Variants in NRXN3 observed in about 807,000 individuals in gnomAD.
The protein encoded by NRXN3 is neurexin 3.
In NRXN3, 32 loss-of-function variants were observed where a neutral mutation model predicts 137.6. The ratio of observed to expected loss-of-function variants is 0.23; its 90% CI spans 0.18 to 0.31. The LOEUF (loss-of-function observed/expected upper bound fraction) is 0.31, where lower values mean the gene tolerates loss of function less well. Among genes scored for constraint, NRXN3 ranks in the 10% least tolerant of loss-of-function variants. NRXN3 has a pLI of 1.00. For missense variants in NRXN3, 1,574 were observed against 2,062.5 expected, an observed-to-expected ratio of 0.76 and a Z score of 4.59; for synonymous variants, 798 against 784.5, an observed-to-expected ratio of 1.02 and a Z score of -0.29.
At chr14:78,267,602 G>A (rs1162171579) in intron 2 of NRXN3, among the ~76,000 whole-genome samples, 2 of 152,134 alleles carry the variant, frequency 1.3e-5, no homozygotes, top group African/African-American at 2.4e-5. Context: ...AGGTTGAGCT[G>A]GGAGGTCCAC....
chr14:79,179,353 A>G (rs1042636512), intron 15 of NRXN3, among the ~76,000 whole-genome samples: 3 of 152,172 alleles, frequency 2.0e-5, no homozygotes, highest in African/African-American at 7.2e-5. Flanking sequence ...TCACTTCTCG[A>G]TGTTTTCTTA....
intron 8 of NRXN3, among the ~76,000 whole-genome samples, chr14:78,733,896 G>GA (rs2098528651): frequency 6.6e-6 from 1 of 152,164 alleles, no homozygotes; most frequent in African/African-American, 2.4e-5. Flanking sequence ...GTCACCCTAA[G>GA]AATAACAGGT....
chr14:78,504,752 C>T (rs1255562726), intron 4 of NRXN3, among the ~76,000 whole-genome samples: 3 of 152,156 alleles, frequency 2.0e-5, no homozygotes, highest in Admixed American at 1.3e-4. Context: ...GAAGTTCCCA[C>T]TATGTGCCAC....
intron 14 of NRXN3, among the ~76,000 whole-genome samples, chr14:78,979,366 T>C (rs1029618685): frequency 6.6e-6 from 1 of 152,146 alleles, no homozygotes; most frequent in Non-Finnish European, 1.5e-5. Context: ...GAGTCTTTCA[T>C]AATCCATTTG....
intron 4 of NRXN3, among the ~76,000 whole-genome samples, chr14:78,483,980 TTACACACACACACA>T (rs1281865839): frequency 4.1e-5 from 2 of 48,710 alleles, no homozygotes; most frequent in Admixed American, 2.9e-4. Flanking sequence ...AGGGATGCTC[TTACACACACACACA>T]CACACACACA....
At chr14:79,154,270 A>G (rs958572948) in intron 15 of NRXN3, among the ~76,000 whole-genome samples, 2 of 151,922 alleles carry the variant, frequency 1.3e-5, no homozygotes, top group Admixed American at 6.6e-5. Flanking sequence ...TCAATGCCCA[A>G]TCACATTTTA....
At chr14:79,181,635 C>T (rs377682632) in intron 15 of NRXN3, among the ~76,000 whole-genome samples, 16 of 148,440 alleles carry the variant, frequency 1.1e-4, no homozygotes, top group South Asian at 2.1e-4. Context: ...CAGCCAAGAT[C>T]GCGTCACTGC....
At chr14:78,581,590 T>C (rs994605942) in intron 4 of NRXN3, among the ~76,000 whole-genome samples, 1 of 152,246 alleles carries the variant, frequency 6.6e-6, no homozygotes, top group South Asian at 2.1e-4. Context: ...TAGCATTTCT[T>C]CTCTACAGGT....
At chr14:79,411,198 G>A (rs2196445) in intron 15 of NRXN3, among the ~76,000 whole-genome samples, 48,918 of 151,864 alleles carry the variant, frequency 0.32, 8,144 homozygotes, top group Admixed American at 0.39. Flanking sequence ...AAGATGGCTG[G>A]TACAATGTTG....
intron 20 of NRXN3, among the ~76,000 whole-genome samples, chr14:79,838,578 A>G (rs2099349185): frequency 6.6e-6 from 1 of 152,212 alleles, no homozygotes; most frequent in African/African-American, 2.4e-5. Flanking sequence ...CCACAGAGAA[A>G]TAGTGTTGGA....
At chr14:78,862,126 G>C (rs1477467136) in intron 10 of NRXN3, among the ~76,000 whole-genome samples, 1 of 152,032 alleles carries the variant, frequency 6.6e-6, no homozygotes, top group Non-Finnish European at 1.5e-5. Flanking sequence ...TGTGGTAGTG[G>C]TGTGGTATAC....
intron 4 of NRXN3, among the ~76,000 whole-genome samples, chr14:78,544,740 A>T (rs1003319367): frequency 1.6e-4 from 24 of 152,334 alleles, no homozygotes; most frequent in African/African-American, 5.0e-4. Context: ...AATAGTTCAG[A>T]GAAGGATGTG....
chr14:79,692,319 A>G, intron 18 of NRXN3, 57 bp downstream of exon 18: 2 of 1,240,446 alleles, frequency 1.6e-6, no homozygotes, highest in Non-Finnish European at 2.3e-6. Flanking sequence ...CCTCATTTTT[A>G]AAGCCTGCAA....
At chr14:78,570,380 T>C (rs566248672) in intron 4 of NRXN3, among the ~76,000 whole-genome samples, 6 of 152,316 alleles carry the variant, frequency 3.9e-5, no homozygotes, top group African/African-American at 1.4e-4. Context: ...AATAAATTTC[T>C]ATTGTTTATA....
At chr14:79,177,616 A>G (rs995702826) in intron 15 of NRXN3, among the ~76,000 whole-genome samples, 2 of 152,182 alleles carry the variant, frequency 1.3e-5, no homozygotes, top group African/African-American at 4.8e-5. Flanking sequence ...AACCTAATCT[A>G]TGGACAAATT....
At chr14:78,566,152 C>T (rs79447214) in intron 4 of NRXN3, among the ~76,000 whole-genome samples, 2,246 of 152,096 alleles carry the variant, frequency 0.015, 45 homozygotes, top group African/African-American at 0.052. Context: ...TCTCCCACCC[C>T]GCCCCCAACG....
At chr14:79,739,733 G>T (rs1466720354) in intron 19 of NRXN3, among the ~76,000 whole-genome samples, 1 of 148,606 alleles carries the variant, frequency 6.7e-6, no homozygotes, top group Non-Finnish European at 1.5e-5. Context: ...CTACTGTGCT[G>T]ACCATATGCT....
chr14:78,909,114 C>T (rs2099228672), intron 10 of NRXN3, among the ~76,000 whole-genome samples: 1 of 152,086 alleles, frequency 6.6e-6, no homozygotes, highest in Non-Finnish European at 1.5e-5. Flanking sequence ...AACCGTCGTA[C>T]CTAGATCAGC....
At chr14:78,384,683 C>T (rs2089672796) in intron 4 of NRXN3, among the ~76,000 whole-genome samples, 1 of 152,112 alleles carries the variant, frequency 6.6e-6, no homozygotes, top group African/African-American at 2.4e-5. Flanking sequence ...CCCAGATTCC[C>T]TTGCCTTTGC....
Sources: gnomAD v4.1 joint callset for allele counts (sites outside exome capture counted in the v4.1 genomes callset) on GRCh38, gnomAD v4.1.1 for gene constraint, MANE v1.5 for transcripts, NCBI Gene and HGNC (gene_info 2026-07-23, HGNC 2026-07-21) for gene names.